TRIM66: variants seen among roughly 807,000 people sequenced by gnomAD.
TRIM66 encodes the protein tripartite motif-containing protein 66.
In TRIM66, 99 loss-of-function variants were observed where a neutral mutation model predicts 148.2. That is an observed-to-expected ratio of 0.67 (90% confidence interval 0.57 to 0.79). The LOEUF (loss-of-function observed/expected upper bound fraction) is 0.79, where lower values mean the gene tolerates loss of function less well. Among genes scored for constraint, TRIM66 ranks in the 30% least tolerant of loss-of-function variants. The pLI is 0.00. For synonymous variants in TRIM66, 616 were observed against 635.9 expected, an observed-to-expected ratio of 0.97 and a Z score of 0.47; for missense variants, 1,666 against 1,697.9, an observed-to-expected ratio of 0.98 and a Z score of 0.33.
rs1277917901 is a variant in TRIM66, at chr11:8,672,299, G to A, written c.-25C>T. 6.5e-7 allele frequency: 1 copy of A among 1,536,096 alleles called. No homozygotes were observed. Among genetic ancestry groups the A allele is most frequent in the Non-Finnish European group, 8.7e-7 (1 of 1,146,908 alleles). The stretch of plus-strand genomic sequence containing the variant: ...TCTCTGCCGTGGAAAACAAAGCGTG[G>A]AGGTGTCTGCTGTTTGTCTGAAGGC... On this transcript the variant is annotated 5_prime_UTR_variant, in exon 5 of 25. Coordinates refer to ENST00000646038, the MANE Select transcript of TRIM66 (RefSeq NM_001388022.1).
At chr11:8,646,008 G>T in intron 11 of TRIM66, 121 bp from the exon 12 acceptor site, 1 of 941,968 alleles carries the variant, frequency 1.1e-6, no homozygotes, top group Non-Finnish European at 1.6e-6. Context: ...ACCCCTGAGA[G>T]GACAGCAGGG....
intron 3 of TRIM66, among the ~76,000 whole-genome samples, chr11:8,676,382 C>T (rs755337788): frequency 2.0e-5 from 3 of 152,122 alleles, no homozygotes; most frequent in East Asian, 3.8e-4. Flanking sequence ...TCAAATAACA[C>T]GTTAGCTTTA....
At chr11:8,652,541 T>C (rs192313691) in intron 6 of TRIM66, among the ~76,000 whole-genome samples, 166 of 152,294 alleles carry the variant, frequency 1.1e-3, no homozygotes, top group Admixed American at 2.8e-3. Flanking sequence ...ATTTTACCTA[T>C]GAACAGCTTG....
chr11:8,622,341 C>CA lies in TRIM66; in HGVS notation c.3080+474dup, dbSNP rs1177934706. Among the ~76,000 whole-genome samples, 15 of 35,682 alleles carry CA rather than the reference C, an allele frequency of 4.2e-4. 1 individual carries two copies. Among genetic ancestry groups the CA allele is most frequent in the African/African-American group, 6.1e-4 (6 of 9,774 alleles). The allele number at this position is 35,682 out of a possible 152,430, so 23.4% of individuals were successfully genotyped here. A position where few individuals can be genotyped will look rare whatever the true frequency, so the allele number is the denominator to read the frequency against. On this transcript the variant is annotated intron_variant, in intron 18 of 24. Coordinates refer to ENST00000646038, the MANE Select transcript of TRIM66 (RefSeq NM_001388022.1). ...TATATGGAAGTACACACACACACAA[C>CA]ACACACACACACACACACACACACA...
chr11:8,646,648 G>C, intron 10 of TRIM66, 87 bp from the exon 11 acceptor site: 1 of 1,048,364 alleles, frequency 9.5e-7, no homozygotes, highest in Non-Finnish European at 1.4e-6. Context: ...AACCAACTTG[G>C]AGGCTGCCTA....
intron 15 of TRIM66, among the ~76,000 whole-genome samples, chr11:8,629,415 G>A (rs977086492): frequency 2.0e-5 from 3 of 152,184 alleles, no homozygotes; most frequent in African/African-American, 7.2e-5. Flanking sequence ...TCTTCTTAGT[G>A]AGATCCTTGT....
intron 3 of TRIM66, among the ~76,000 whole-genome samples, chr11:8,677,321 T>G (rs1033295368): frequency 4.6e-5 from 7 of 152,248 alleles, no homozygotes; most frequent in African/African-American, 1.7e-4. Context: ...TGTTCACAAT[T>G]GTACCTGCCC....
At chr11:8,620,646 T>C (rs1179222273) in intron 20 of TRIM66, 74 bp from the exon 21 acceptor site, 18 of 1,505,088 alleles carry the variant, frequency 1.2e-5, no homozygotes, top group Admixed American at 2.2e-5. Context: ...CTCTGCCCTA[T>C]GGCAGGCGTG....
intron 10 of TRIM66, among the ~76,000 whole-genome samples, chr11:8,647,063 CATATA>C (rs2036918834): frequency 7.2e-6 from 1 of 139,284 alleles, no homozygotes; most frequent in African/African-American, 2.6e-5. Context: ...CAATAATAAA[CATATA>C]ATTATATAAT....
At chr11:8,664,280 A>C (rs1478330217) in intron 6 of TRIM66, among the ~76,000 whole-genome samples, 2 of 152,178 alleles carry the variant, frequency 1.3e-5, no homozygotes, top group African/African-American at 2.4e-5. Flanking sequence ...AATTTTTTTA[A>C]TTAAAAAATA....
intron 15 of TRIM66, among the ~76,000 whole-genome samples, chr11:8,625,725 A>G (rs1279540692): frequency 6.6e-6 from 1 of 152,174 alleles, no homozygotes; most frequent in African/African-American, 2.4e-5. Flanking sequence ...CTGCTATACA[A>G]AAGTAGCAGG....
At chr11:8,679,532 A>G (rs993203112) in intron 3 of TRIM66, 88 bp downstream of exon 3, 8 of 152,554 alleles carry the variant, frequency 5.2e-5, no homozygotes, top group African/African-American at 1.9e-4. Flanking sequence ...CCCTACCTCA[A>G]CCCCTTGCAG....
chr11:8,667,505 A>T (rs2133448739), intron 6 of TRIM66, among the ~76,000 whole-genome samples: 1 of 152,368 alleles, frequency 6.6e-6, no homozygotes, highest in Non-Finnish European at 1.5e-5. Context: ...ACAGTTCAAC[A>T]CTAACAATGA....
Position 8,648,086 on chromosome 11 carries a change from C to A in TRIM66, c.726G>T (p.Arg242Ser), listed in dbSNP as rs777450376. The A allele has an allele frequency of 6.4e-6, 10 of 1,551,128 alleles. No individual in the cohort carries two copies. Among genetic ancestry groups the A allele is most frequent in the African/African-American group, 1.4e-5 (1 of 73,036 alleles). ...SCLVVEHKEH[R>S]CRHVEEVLQN... is the part of the protein sequence containing the mutation. ...GCAAAACTTCTTCAACATGTCTGCA[C>A]CTAGGGGATGAGGCAGAGAAAAAGC... is the stretch of plus-strand genomic sequence containing the variant. Residue 242 changes from arginine (R) to serine (S), a missense_variant and splice_region_variant, in exon 10 of 25, where the codon AGG becomes AGT. Arg to Ser is a moderately radical substitution (Grantham distance 110, BLOSUM62 -1). Transcript: ENST00000646038.
At position 8,682,638 on chromosome 11, in the gene TRIM66, G is replaced by A. The variant is rs1351037538; in HGVS notation, c.-585C>T. On this transcript the variant is annotated 5_prime_UTR_variant, in exon 1 of 25. Transcript: ENST00000646038. ...CCGCCACCAGGACACTCCGTGATGG[G>A]GGATCACCACCCTCAGAAAGAGGAA... 7.0e-6 allele frequency: 5 copies of A among 717,086 alleles called. No individual in the cohort carries two copies. Among genetic ancestry groups the A allele is most frequent in the African/African-American group, 1.8e-5 (1 of 56,004 alleles). 44.4% of individuals were successfully genotyped at this position (717,086 alleles called of 1,614,324 possible).
rs1190873685 is a variant in TRIM66, at chr11:8,616,578, G to A, written c.*1366C>T. The A allele has an allele frequency of 2.6e-5, 4 of 152,188 alleles. No homozygotes were observed. Among genetic ancestry groups the A allele is most frequent in the Admixed American group, 6.5e-5 (1 of 15,282 alleles). 9.4% of individuals were successfully genotyped at this position (152,188 alleles called of 1,614,324 possible). On this transcript the variant is annotated 3_prime_UTR_variant, in exon 25 of 25. Transcript: ENST00000646038. ...TCCAGTATCCTCACAAACACCCTGC[G>A]AGGGCCATGCAGATGCATTCAGGAT... is the stretch of plus-strand genomic sequence containing the variant.
At chr11:8,682,811 A>G (rs764192308), upstream of TRIM66, 6 of 1,612,994 alleles carry the variant, frequency 3.7e-6, no homozygotes, top group Admixed American at 3.3e-5. Context: ...CTGGGCTGCC[A>G]ACATGGTAGG....
chr11:8,643,929 C>T (rs2036623159), intron 12 of TRIM66, among the ~76,000 whole-genome samples: 2 of 152,210 alleles, frequency 1.3e-5, no homozygotes, highest in Non-Finnish European at 2.9e-5. Context: ...CTGCTATCCT[C>T]TAGTTAACTA....
intron 4 of TRIM66, among the ~76,000 whole-genome samples, chr11:8,673,616 T>C (rs953253123): frequency 6.6e-6 from 1 of 152,248 alleles, no homozygotes; most frequent in African/African-American, 2.4e-5. Flanking sequence ...TGAACTTAGC[T>C]ACAAGAGTGA....
Sources: allele counts gnomAD v4.1 joint callset (sites outside exome capture counted in the v4.1 genomes callset), GRCh38; gene constraint gnomAD v4.1.1; transcripts MANE v1.5; gene names NCBI Gene and HGNC (gene_info 2026-07-23, HGNC 2026-07-21).